The following OPLAH variants were observed in gnomAD, a reference collection of about 807,000 sequenced individuals.
OPLAH encodes the protein 5-oxoprolinase, ATP-hydrolysing.
A neutral mutation model predicts 122.8 loss-of-function variants in OPLAH; 103 were observed. The observed-to-expected ratio is 0.84, with a 90% CI of 0.71 to 0.99. The LOEUF (loss-of-function observed/expected upper bound fraction) is 0.99, where lower values mean the gene tolerates loss of function less well. Ranked by LOEUF, OPLAH falls within the 50% of genes least tolerant of loss-of-function variation. The pLI is 0.00. For missense variants in OPLAH, 1,902 were observed against 1,836.5 expected (o/e 1.04, Z -0.65); for synonymous variants, 875 against 796.0 (o/e 1.10, Z -1.67).
rs2129847453 is a variant in OPLAH, at chr8:144,059,799, C to A, written c.172-9G>T. On this transcript the variant is annotated splice_polypyrimidine_tract_variant and intron_variant, in intron 2 of 26. Coordinates refer to ENST00000618853, the MANE Select transcript of OPLAH (RefSeq NM_017570.5). ...AGGAGCATGCCGGCCTCCTGGGGAC[C>A]ACGTGGTCAGTGTGGGGCTTCTGGC... 6.2e-7 allele frequency: 1 copy of A among 1,608,936 alleles called. No individual in the cohort carries two copies. Among genetic ancestry groups the A allele is most frequent in the East Asian group, 2.2e-5 (1 of 44,822 alleles).
downstream of OPLAH, chr8:144,051,239 C>T (rs1480796705): frequency 2.5e-6 from 4 of 1,574,040 alleles, no homozygotes; most frequent in African/African-American, 1.4e-5. Flanking sequence ...GCGGCTGGCG[C>T]GCACAGACAC....
At chr8:144,051,507 A>ACC in intron 26 of OPLAH, 35 bp from the exon 27 acceptor site, 1 of 1,417,634 alleles carries the variant, frequency 7.1e-7, no homozygotes, top group Non-Finnish European at 9.3e-7. Flanking sequence ...AGGCGGGCTC[A>ACC]GTGCAGGCGT....
rs782171890 is a variant in OPLAH at position 144,058,794 on chromosome 8, A to G, written c.566T>C (p.Val189Ala). The change falls in exon 5 of 27, where the codon GTG becomes GCG. Residue 189 changes from valine (V) to alanine (A), a missense_variant. By Grantham distance (64) the Val-to-Ala change is moderately conservative. Around this residue, in one of 3 missense-constraint regions of OPLAH, gnomAD observed 1,726 missense variants for 1,642.1 expected, o/e 1.05. Coordinates refer to ENST00000618853, the MANE Select transcript of OPLAH (RefSeq NM_017570.5). ...LLSRGIRSLA[V>A]VLMHSYTWAQ... Reference sequence around the variant, plus strand: ...TCACGTGTACGAGTGCATGAGCACCACAGCCAGGCTGCGGATGCCTCGAGA... The same window carrying G: ...TCACGTGTACGAGTGCATGAGCACCGCAGCCAGGCTGCGGATGCCTCGAGA... 1.2e-6 allele frequency: 2 copies of G among 1,604,172 alleles called. No homozygotes were observed. Among genetic ancestry groups the G allele is most frequent in the Non-Finnish European group, 1.7e-6 (2 of 1,175,140 alleles).
chr8:144,057,449 T>A lies in OPLAH; in HGVS notation c.1421A>T (p.Gln474Leu). 2 of 1,584,148 alleles carry A rather than the reference T, an allele frequency of 1.3e-6. No individual in the cohort carries two copies. Among genetic ancestry groups the A allele is most frequent in the Non-Finnish European group, 8.6e-7 (1 of 1,165,388 alleles). ...GCGGGAGAGCAGAGGTGGACGTACCTGCGTGAGTGCACGGATGGGCCGGCA... is the reference window on the plus strand; with the variant it reads ...GCGGGAGAGCAGAGGTGGACGTACCAGCGTGAGTGCACGGATGGGCCGGCA... ...AMCRPIRALT[Q>L]ARGHDPSAHV... is the part of the protein sequence containing the mutation. Residue 474 changes from glutamine to leucine, a missense_variant and splice_region_variant, in exon 10 of 27, where the codon CAG becomes CTG. Physicochemically the swap from Gln to Leu is moderately radical, Grantham distance 113 (BLOSUM62 -2). Coordinates refer to ENST00000618853, the MANE Select transcript of OPLAH (RefSeq NM_017570.5).
rs1554758174 is a variant in OPLAH, at chr8:144,053,211, G to A, written c.2869C>T (p.Gln957Ter). Reference sequence around the variant, plus strand: ...CACACTCCTGTGCCCAGGCCCACCTGAATATGGCCCATGTAGGCCTGCACC... The same window carrying A: ...CACACTCCTGTGCCCAGGCCCACCTAAATATGGCCCATGTAGGCCTGCACC... Reference protein sequence around the residue: ...DVVQAYMGHIQANAELAVRDM... With the variant: ...DVVQAYMGHI Residue 957 changes from glutamine (Q) to a stop codon, truncating the protein, a stop_gained and splice_region_variant, in exon 20 of 27, where the codon CAG becomes TAG. Transcript: ENST00000618853. LOFTEE classifies it high-confidence loss of function. The A allele has an allele frequency of 1.2e-6, 2 of 1,612,518 alleles. No individual in the cohort carries two copies. The highest frequency in any genetic ancestry group is 1.1e-5 in the South Asian group (1 of 91,006).
Position 144,052,877 on chromosome 8 carries a change from G to A in OPLAH, c.3042C>T (p.Ser1014=), listed in dbSNP as rs1431242492. 2 of 1,554,850 alleles carry A rather than the reference G, an allele frequency of 1.3e-6. No homozygotes were observed. Among genetic ancestry groups the A allele is most frequent in the Admixed American group, 1.9e-5 (1 of 51,296 alleles). Residue 1014 remains serine (S), a synonymous_variant, in exon 22 of 27, where the codon AGC becomes AGT. Coordinates refer to ENST00000618853, the MANE Select transcript of OPLAH (RefSeq NM_017570.5). ...LSQGSAVFDF[S]GTGPEVFGNL... Reference sequence around the variant, plus strand: ...TACCAAACACCTCCGGCCCAGTGCCGCTGAAGTCAAACACGGCGCTGCCCT... The same window carrying A: ...TACCAAACACCTCCGGCCCAGTGCCACTGAAGTCAAACACGGCGCTGCCCT...
chr8:144,057,372 C>G, intron 10 of OPLAH, 52 bp from the exon 11 acceptor site: 4 of 1,583,242 alleles, frequency 2.5e-6, no homozygotes, highest in East Asian at 2.3e-5. Flanking sequence ...CCATCCAGCC[C>G]CCAGCCTGAG....
At chr8:144,060,418 G>T (rs1554760671) in intron 1 of OPLAH, among the ~76,000 whole-genome samples, 1 of 152,232 alleles carries the variant, frequency 6.6e-6, no homozygotes, top group African/African-American at 2.4e-5. Context: ...ACGGGAGTGC[G>T]GGGAGGGGGT....
chr8:144,054,942 G>T, intron 17 of OPLAH, 29 bp from the exon 18 acceptor site: 1 of 1,307,052 alleles, frequency 7.7e-7, no homozygotes, highest in Non-Finnish European at 1.0e-6. Flanking sequence ...TGCAGAGTGG[G>T]CACAGGGGAG....
At position 144,058,866 on chromosome 8, in the gene OPLAH, T is replaced by C. The variant is rs1554760185; in HGVS notation, c.494A>G (p.Gln165Arg). ...GRTGDLLEVQ[Q>R]PVDLGALRGK... ...ACGCAGGGCCCCCAGGTCCACAGGCTGCTGCACTTCCAGCAGGTCCCCCGT... is the reference window on the plus strand; with the variant it reads ...ACGCAGGGCCCCCAGGTCCACAGGCCGCTGCACTTCCAGCAGGTCCCCCGT... The change falls in exon 5 of 27, where the codon CAG becomes CGG. Residue 165 changes from glutamine to arginine, a missense_variant. This residue lies in a region of OPLAH where 1,726 missense variants were observed against 1,642.1 expected (regional missense o/e 1.05). Transcript: ENST00000618853. The C allele has an allele frequency of 1.3e-6, 2 of 1,563,490 alleles. No individual in the cohort carries two copies. The highest frequency in any genetic ancestry group is 2.3e-5 in the South Asian group (2 of 85,526).
Position 144,059,619 on chromosome 8 carries a change from G to A in OPLAH, c.343C>T (p.Arg115Cys). 1.2e-6 allele frequency: 2 copies of A among 1,610,228 alleles called. No homozygotes were observed. The highest frequency in any genetic ancestry group is 2.2e-5 in the East Asian group (1 of 44,830). ...RDLLHIGTQA[R>C]GDLFDLAVPM... ...CTCACCAGGTCAAAGAGGTCCCCAC[G>A]GGCTTGGGTGCCAATGTGCAGCAGG... is the stretch of plus-strand genomic sequence containing the variant. The change falls in exon 3 of 27, where the codon CGT becomes TGT. Residue 115 changes from arginine (R) to cysteine (C), a missense_variant. By Grantham distance (180) the Arg-to-Cys change is radical. This residue lies in a region of OPLAH where 168 missense variants were observed against 170.6 expected (regional missense o/e 0.98). Coordinates refer to ENST00000618853, the MANE Select transcript of OPLAH (RefSeq NM_017570.5).
rs11993268 is a variant in OPLAH at position 144,055,574 on chromosome 8, T to C, written c.2248+214A>G. Among the ~76,000 whole-genome samples the C allele has an allele frequency of 0.15, 22,781 of 152,120 alleles. 5,456 individuals carry two copies. The highest frequency in any genetic ancestry group is 0.5 in the African/African-American group (20,883 of 41,448). On this transcript the variant is annotated intron_variant, in intron 16 of 26. Coordinates refer to ENST00000618853, the MANE Select transcript of OPLAH (RefSeq NM_017570.5). This position sits in a 1 kb window ranked among gnomAD's most constrained non-coding sequence, Gnocchi z 6.5. ...CTTCCTTAGCTAGGAGGGCACTCTC[T>C]GGATCACATGGCTGCAGGTAAGGGG... is the stretch of plus-strand genomic sequence containing the variant.
chr8:144,054,986 G>A (rs1219748999), intron 17 of OPLAH, 43 bp downstream of exon 17: 153 of 1,108,518 alleles, frequency 1.4e-4, no homozygotes, highest in Non-Finnish European at 1.8e-4. Flanking sequence ...GGGGGTGGAG[G>A]GTGAGGGAGG....
At chr8:144,054,777 T>C (rs1554758543) in intron 18 of OPLAH, 35 bp downstream of exon 18, 2 of 1,611,986 alleles carry the variant, frequency 1.2e-6, no homozygotes, top group Non-Finnish European at 1.7e-6. Flanking sequence ...CGGCCACCAC[T>C]GCCCCAGCAG....
chr8:144,055,855 G>T lies in OPLAH; in HGVS notation c.2181C>A (p.Gly727=), dbSNP rs1554758864. 1.3e-5 allele frequency: 20 copies of T among 1,577,970 alleles called. No homozygotes were observed. The East Asian group carries it at 4.7e-4, about 37-fold the overall frequency. The part of the protein sequence containing the change: ...ICISVGAEVP[G]TVGPQLDPIQ... ...TAGGGTCCAGCTGGGGGCCCACTGT[G>T]CCGGGGACTTCGGCCCCCACGGAGA... Residue 727 remains glycine, a synonymous_variant, in exon 16 of 27, where the codon GGC becomes GGA. Transcript: ENST00000618853. This position sits in a 1 kb window ranked among gnomAD's most constrained non-coding sequence, Gnocchi z 6.5.
rs561512427 is a variant in OPLAH, at chr8:144,051,987, A to C, written c.3551T>G (p.Leu1184Arg). The change falls in exon 25 of 27, where the codon CTG becomes CGG. Residue 1184 changes from leucine to arginine, a missense_variant. Coordinates refer to ENST00000618853, the MANE Select transcript of OPLAH (RefSeq NM_017570.5). ...CAGCAGCGCCTCCTCACGAAAGAGC[A>C]GCTCGCGGGTGACGCCGTCGCCGCC... ...FRGGDGVTRELLFREEALLSV... is the reference protein window; with the variant it reads ...FRGGDGVTRERLFREEALLSV... 6.3e-7 allele frequency: 1 copy of C among 1,582,720 alleles called. No homozygotes were observed. The highest frequency in any genetic ancestry group is 2.3e-5 in the East Asian group (1 of 43,748).
chr8:144,053,123 C>A lies in OPLAH; in HGVS notation c.2878G>T (p.Ala960Ser), dbSNP rs1410980759. 1 of 1,606,974 alleles carries A rather than the reference C, an allele frequency of 6.2e-7. No homozygotes were observed. ...QAYMGHIQAN[A>S]ELAVRDMLRA... ...AACATGTCTCGCACGGCCAGCTCAG[C>A]GTTTGCCTGGCAGGGAGCAGGATCA... Residue 960 changes from alanine (A) to serine (S), a missense_variant, in exon 21 of 27, where the codon GCT becomes TCT. Around this residue, in one of 3 missense-constraint regions of OPLAH, gnomAD observed 1,726 missense variants for 1,642.1 expected, o/e 1.05. Coordinates refer to ENST00000618853, the MANE Select transcript of OPLAH (RefSeq NM_017570.5).
Position 144,056,477 on chromosome 8 carries a change from C to T in OPLAH, c.1891G>A (p.Val631Met), listed in dbSNP as rs746616709. 9 of 1,611,614 alleles carry T rather than the reference C, an allele frequency of 5.6e-6. No homozygotes were observed. Among genetic ancestry groups the T allele is most frequent in the South Asian group, 1.1e-5 (1 of 91,010 alleles). ...GFVIPERPVV[V>M]DDVRVRGTGR... The stretch of plus-strand genomic sequence containing the variant: ...GTGCCCCGCACTCGCACATCGTCCA[C>T]GACCACCGGCCGCTCAGGTATGACA... The change falls in exon 14 of 27, where the codon GTG becomes ATG. Residue 631 changes from valine (V) to methionine (M), a missense_variant. Physicochemically the swap from Val to Met is conservative, Grantham distance 21. Around this residue, in one of 3 missense-constraint regions of OPLAH, gnomAD observed 1,726 missense variants for 1,642.1 expected, o/e 1.05. Transcript: ENST00000618853.
chr8:144,050,933 C>T (rs1835357943), downstream of OPLAH: 1 of 1,022,276 alleles, frequency 9.8e-7, no homozygotes, highest in Non-Finnish European at 1.2e-6. Context: ...GACACCGCCC[C>T]CCTACCAGGG....
Sources: gnomAD v4.1 joint callset for allele counts (sites outside exome capture counted in the v4.1 genomes callset) on GRCh38, gnomAD v4.1.1 for gene constraint, gnomAD v4.1.1 regional missense constraint, Gnocchi (gnomAD v3.1) non-coding constraint, MANE v1.5 for transcripts, NCBI Gene and HGNC (gene_info 2026-07-23, HGNC 2026-07-21) for gene names.